SLC12A8: variants seen among roughly 807,000 people sequenced by gnomAD.
SLC12A8 encodes solute carrier family 12 member 8.
In SLC12A8, 69 loss-of-function variants were observed where a neutral mutation model predicts 75.6. That is an observed-to-expected ratio of 0.91 (90% CI 0.75 to 1.11). The LOEUF is 1.11. SLC12A8 is among the 50% of genes most tolerant of loss of function. SLC12A8 has a pLI of 0.00. For synonymous variants in SLC12A8, 365 were observed against 372.8 expected (o/e 0.98, Z 0.24); for missense variants, 877 against 896.7 (o/e 0.98, Z 0.28).
At chr3:125,172,230 C>T (rs943147445) in intron 5 of SLC12A8, among the ~76,000 whole-genome samples, 15 of 151,770 alleles carry the variant, frequency 9.9e-5, no homozygotes, top group African/African-American at 2.9e-4. Flanking sequence ...GCTGAGATCC[C>T]GCCACTGCAC....
intron 10 of SLC12A8, among the ~76,000 whole-genome samples, chr3:125,100,722 A>G (rs1938849966): frequency 6.7e-6 from 1 of 149,828 alleles, no homozygotes; most frequent in South Asian, 2.2e-4. Flanking sequence ...GCTATCTTAA[A>G]GATGATTTAG....
chr3:125,198,168 C>T (rs552869308), intron 2 of SLC12A8, among the ~76,000 whole-genome samples: 1 of 149,660 alleles, frequency 6.7e-6, no homozygotes, highest in South Asian at 2.2e-4. Context: ...AACTGAGGGA[C>T]ATCATCCCCA....
chr3:125,180,272 G>A (rs1295842681), intron 4 of SLC12A8, among the ~76,000 whole-genome samples: 1 of 152,164 alleles, frequency 6.6e-6, no homozygotes, highest in African/African-American at 2.4e-5. Flanking sequence ...AATATCTAAG[G>A]CCAAATCCTG....
At chr3:125,142,600 G>T (rs1933675800) in intron 5 of SLC12A8, among the ~76,000 whole-genome samples, 1 of 152,232 alleles carries the variant, frequency 6.6e-6, no homozygotes, top group Non-Finnish European at 1.5e-5. Flanking sequence ...CCCTGGTTAT[G>T]CGAGGACTCA....
chr3:125,149,293 A>G (rs1933862884), intron 5 of SLC12A8, among the ~76,000 whole-genome samples: 1 of 152,202 alleles, frequency 6.6e-6, no homozygotes, highest in South Asian at 2.1e-4. Flanking sequence ...CTGATCCCCA[A>G]GCCAAAGCCA....
chr3:125,125,133 T>TC (rs992800027), intron 6 of SLC12A8, among the ~76,000 whole-genome samples: 1 of 151,988 alleles, frequency 6.6e-6, no homozygotes, highest in African/African-American at 2.4e-5. Context: ...TTTTTTTTTT[T>TC]TAAAGAAATG....
intron 6 of SLC12A8, among the ~76,000 whole-genome samples, chr3:125,130,594 AAAAAAGAAAAAG>A (rs3061217): frequency 7.4e-4 from 91 of 122,262 alleles, no homozygotes; most frequent in African/African-American, 1.8e-3. Flanking sequence ...CCTGTCTTAA[AAAAAAGAAAAAG>A]AAAAAGAAAA....
chr3:125,160,853 GGC>G (rs374700171), intron 5 of SLC12A8, among the ~76,000 whole-genome samples: 104,123 of 145,436 alleles, frequency 0.72, 37,312 homozygotes, highest in East Asian at 0.77. Flanking sequence ...GGGGGCACAG[GGC>G]ACAGCCAGAG....
chr3:125,094,910 T>A (rs1191297361), intron 10 of SLC12A8, among the ~76,000 whole-genome samples: 1 of 152,256 alleles, frequency 6.6e-6, no homozygotes, highest in Non-Finnish European at 1.5e-5. Flanking sequence ...ATCTGATACA[T>A]GTGATCACTT....
At chr3:125,186,634 C>T (rs1256805675) in intron 4 of SLC12A8, among the ~76,000 whole-genome samples, 2 of 152,220 alleles carry the variant, frequency 1.3e-5, no homozygotes, top group Non-Finnish European at 2.9e-5. Flanking sequence ...TGTGTTTTAG[C>T]TAAAAAAGCC....
At chr3:125,089,356 G>A (rs1291976303) in intron 12 of SLC12A8, among the ~76,000 whole-genome samples, 1 of 152,122 alleles carries the variant, frequency 6.6e-6, no homozygotes, top group Non-Finnish European at 1.5e-5. Context: ...CTACTTAAGT[G>A]TGATAATTTA....
intron 5 of SLC12A8, among the ~76,000 whole-genome samples, chr3:125,148,273 G>A (rs1415304006): frequency 3.3e-5 from 5 of 152,222 alleles, no homozygotes; most frequent in Admixed American, 3.3e-4. Flanking sequence ...CTGCCCCATT[G>A]CCTAGTGCTG....
chr3:125,142,067 C>T (rs1933661932), intron 5 of SLC12A8, among the ~76,000 whole-genome samples: 1 of 152,214 alleles, frequency 6.6e-6, no homozygotes, highest in African/African-American at 2.4e-5. Flanking sequence ...CCTCGCGCGC[C>T]GCCTCTGGAC....
chr3:125,203,782 G>A (rs1441483607), intron 2 of SLC12A8, among the ~76,000 whole-genome samples: 1 of 152,172 alleles, frequency 6.6e-6, no homozygotes, highest in Non-Finnish European at 1.5e-5. Flanking sequence ...AAAGGAAACA[G>A]TAGAGTGAAA....
intron 2 of SLC12A8, among the ~76,000 whole-genome samples, chr3:125,207,477 G>A (rs1935247995): frequency 6.6e-6 from 1 of 152,188 alleles, no homozygotes; most frequent in African/African-American, 2.4e-5. Context: ...GGAGATTGCT[G>A]TTGGTTTTGT....
chr3:125,110,398 C>CA (rs1345635469), intron 8 of SLC12A8, 63 bp from the exon 9 acceptor site: 2 of 1,543,060 alleles, frequency 1.3e-6, no homozygotes, highest in Admixed American at 1.8e-5. Context: ...TCTACCCCCC[C>CA]AGCACCCACC....
chr3:125,102,454 C>T lies in SLC12A8; in HGVS notation c.1705+5027G>A, dbSNP rs11927841. 3.8e-3 allele frequency among the ~76,000 whole-genome samples: 586 copies of T among 152,230 alleles called. 5 individuals are homozygous for T. Among genetic ancestry groups the T allele is most frequent in the African/African-American group, 0.013 (559 of 41,534 alleles). On this transcript the variant is annotated intron_variant, in intron 10 of 13. Transcript: ENST00000469902. ...ACTTTACACGGAAGGGGTTAAATTC[C>T]AGCAAGCATTTTTAAGTAAGAGAGA...
At chr3:125,144,242 C>T (rs1017891538) in intron 5 of SLC12A8, among the ~76,000 whole-genome samples, 6 of 152,274 alleles carry the variant, frequency 3.9e-5, no homozygotes, top group Non-Finnish European at 5.9e-5. Flanking sequence ...AGTGCTTTAC[C>T]GTATTAACTC....
At chr3:125,096,297 G>C (rs1280261639) in intron 10 of SLC12A8, among the ~76,000 whole-genome samples, 1 of 151,998 alleles carries the variant, frequency 6.6e-6, no homozygotes, top group East Asian at 1.9e-4. Context: ...CCCCACCCTG[G>C]TCTCTCTTTA....
Sources: gnomAD v4.1 joint callset for allele counts (sites outside exome capture counted in the v4.1 genomes callset) on GRCh38, gnomAD v4.1.1 for gene constraint, MANE v1.5 for transcripts, NCBI Gene and HGNC (gene_info 2026-07-23, HGNC 2026-07-21) for gene names.